The following HSD17B7 variants were observed in gnomAD, a reference collection of about 807,000 sequenced individuals.
The protein encoded by HSD17B7 is hydroxysteroid 17-beta dehydrogenase 7.
HSD17B7 carries 17 observed loss-of-function variants against 34.1 expected under a neutral mutation model. The observed-to-expected ratio is 0.50, with a 90% CI of 0.34 to 0.75. The LOEUF (loss-of-function observed/expected upper bound fraction) is 0.75. Among genes scored for constraint, HSD17B7 ranks in the 30% least tolerant of loss-of-function variants. HSD17B7 has a pLI of 0.01. For synonymous variants in HSD17B7, 122 were observed against 154.6 expected, an observed-to-expected ratio of 0.79 and a Z score of 1.56; for missense variants, 296 against 406.6, an observed-to-expected ratio of 0.73 and a Z score of 2.34.
chr1:162,809,912 T>C (rs1229043268), intron 8 of HSD17B7, among the ~76,000 whole-genome samples: 1 of 152,126 alleles, frequency 6.6e-6, no homozygotes, highest in Non-Finnish European at 1.5e-5. Flanking sequence ...CCTGGATTCA[T>C]TGATTTTTTG....
chr1:162,792,740 C>T lies in HSD17B7; in HGVS notation c.117C>T (p.Ser39=), dbSNP rs563685127. The stretch of plus-strand genomic sequence containing the variant: ...TGTGTTTGGCGTGCAGGAACATGAG[C>T]AAGGCAGAAGCTGTCTGTGCTGCTC... ...LHLCLACRNM[S]KAEAVCAALL... Residue 39 remains serine, a synonymous_variant, in exon 2 of 9, where the codon AGC becomes AGT. Transcript: ENST00000254521. The T allele has an allele frequency of 7.4e-6, 12 of 1,614,180 alleles. No individual in the cohort carries two copies. The African/African-American group carries it at 1.6e-4, about 22-fold the overall frequency.
chr1:162,803,625 G>A (rs1252837568), intron 6 of HSD17B7, 90 bp downstream of exon 6: 9 of 1,446,756 alleles, frequency 6.2e-6, no homozygotes, highest in Non-Finnish European at 8.6e-6. Context: ...AATGATTTAA[G>A]GAATTGAACC....
Position 162,799,855 on chromosome 1 carries a change from G to A in HSD17B7, c.560G>A (p.Ser187Asn). Residue 187 changes from serine to asparagine, a missense_variant, in exon 5 of 9, where the codon AGC (serine) becomes AAC (asparagine). Ser to Asn is a conservative substitution (Grantham distance 46, BLOSUM62 1). Transcript: ENST00000254521. ...SNFSLEDFQHSKGKEPYSSSK... is the reference protein window; with the variant it reads ...SNFSLEDFQHNKGKEPYSSSK... ...TTCAGCCTCGAGGACTTCCAGCACAGCAAAGGCAAGGAACCCTACAGCTCT... is the reference window on the plus strand; with the variant it reads ...TTCAGCCTCGAGGACTTCCAGCACAACAAAGGCAAGGAACCCTACAGCTCT... 1 of 1,614,020 alleles carries A rather than the reference G, an allele frequency of 6.2e-7. No individual in the cohort carries two copies. Among genetic ancestry groups the A allele is most frequent in the Middle Eastern group, 1.6e-4 (1 of 6,062 alleles).
intron 4 of HSD17B7, chr1:162,798,767 G>A (rs4038265): frequency 1.1e-4 from 18 of 158,906 alleles, no homozygotes; most frequent in Non-Finnish European, 1.5e-4. Flanking sequence ...AGGCCAAGGC[G>A]GGCAGATTAC....
chr1:162,797,875 C>T lies in HSD17B7; in HGVS notation c.406C>T (p.Gln136Ter). The change falls in exon 4 of 9, where the codon CAG becomes TAG. Residue 136 changes from glutamine (Q) to a stop codon, truncating the protein, a stop_gained. Coordinates refer to ENST00000254521, the MANE Select transcript of HSD17B7 (RefSeq NM_016371.4). LOFTEE classifies it high-confidence loss of function. ...TGATAAGATCACTGCTGATGGACTTCAGGAGGTGTTTGAGACCAATGTCTT... is the reference window on the plus strand; with the variant it reads ...TGATAAGATCACTGCTGATGGACTTTAGGAGGTGTTTGAGACCAATGTCTT... ...QGDKITADGL[Q>*]EVFETNVFGH... 2.5e-6 allele frequency: 4 copies of T among 1,613,870 alleles called. No homozygotes were observed. The highest frequency in any genetic ancestry group is 3.4e-6 in the Non-Finnish European group (4 of 1,179,838).
At chr1:162,812,055 C>G (rs1031837193) in intron 8 of HSD17B7, among the ~76,000 whole-genome samples, 19 of 152,150 alleles carry the variant, frequency 1.2e-4, no homozygotes, top group African/African-American at 3.9e-4. Flanking sequence ...GGGGAGATAG[C>G]AAAACTCAGA....
At chr1:162,810,145 T>C (rs1649126723) in intron 8 of HSD17B7, among the ~76,000 whole-genome samples, 1 of 152,250 alleles carries the variant, frequency 6.6e-6, no homozygotes, top group Non-Finnish European at 1.5e-5. Flanking sequence ...TTCTGGTGTG[T>C]TGTGTCTTTG....
At chr1:162,793,031 C>CT (rs201857530) in intron 2 of HSD17B7, 169 bp downstream of exon 2, 24,855 of 346,418 alleles carry the variant, frequency 0.072, 515 homozygotes, top group African/African-American at 0.13. Flanking sequence ...CGTTTTCTTT[C>CT]TTTTTTTTTT....
Position 162,796,706 on chromosome 1 carries a change from T to C in HSD17B7, c.332+29T>C, listed in dbSNP as rs765130664. ...ATTTTCGTTTTATGGATGAACTGAT[T>C]GGAAGGAATGTGTTCATTTTTCTGC... On this transcript the variant is annotated intron_variant, in intron 3 of 8. Transcript: ENST00000254521. 10 of 1,271,840 alleles carry C rather than the reference T, an allele frequency of 7.9e-6. No homozygotes were observed. In the East Asian group the frequency reaches 2.3e-4, roughly 29 times the overall value. The allele number at this position is 1,271,840 out of a possible 1,614,324, so 78.8% of individuals were successfully genotyped here.
chr1:162,795,493 A>G, intron 2 of HSD17B7: 1 of 343,792 alleles, frequency 2.9e-6, no homozygotes, highest in East Asian at 7.9e-5. Context: ...CAAATAAGGT[A>G]ATAGAACAAG....
At chr1:162,799,529 T>C (rs959167883) in intron 4 of HSD17B7, 49 of 435,158 alleles carry the variant, frequency 1.1e-4, no homozygotes, top group Non-Finnish European at 1.9e-4. Flanking sequence ...CCCTCTCTGC[T>C]GATAGACTAA....
At chr1:162,807,209 T>G (rs1649011493) in intron 8 of HSD17B7, among the ~76,000 whole-genome samples, 1 of 152,090 alleles carries the variant, frequency 6.6e-6, no homozygotes, top group Non-Finnish European at 1.5e-5. Context: ...CACCTATGAG[T>G]GAGAACATGC....
chr1:162,795,861 AG>A (rs1648588861), intron 2 of HSD17B7, among the ~76,000 whole-genome samples: 2 of 29,924 alleles, frequency 6.7e-5, no homozygotes, highest in Non-Finnish European at 3.3e-4. Context: ...TTAGATGAAG[AG>A]TCTTAGATGA....
At chr1:162,797,116 G>T in intron 3 of HSD17B7, 1 of 162,850 alleles carries the variant, frequency 6.1e-6, no homozygotes, top group Non-Finnish European at 1.3e-5. Flanking sequence ...TTAGTGTAGT[G>T]GCTTTCAAAA....
At chr1:162,805,249 A>G in intron 7 of HSD17B7, 145 bp from the exon 8 acceptor site, 1 of 1,223,064 alleles carries the variant, frequency 8.2e-7, no homozygotes. Context: ...TTCTCAATAT[A>G]TTTGCCAAAC....
At chr1:162,808,509 T>C (rs1041115431) in intron 8 of HSD17B7, among the ~76,000 whole-genome samples, 4 of 152,340 alleles carry the variant, frequency 2.6e-5, no homozygotes, top group Middle Eastern at 3.4e-3. Context: ...GTGAAGAAAG[T>C]CATTGGTAGC....
intron 2 of HSD17B7, among the ~76,000 whole-genome samples, chr1:162,795,048 ATGGT>A (rs1207174222): frequency 2.0e-5 from 3 of 152,006 alleles, no homozygotes; most frequent in Non-Finnish European, 2.9e-5. Flanking sequence ...TTTTTTTGAG[ATGGT>A]TGGTGTCAAT....
At chr1:162,802,684 A>T (rs1648851447) in intron 5 of HSD17B7, among the ~76,000 whole-genome samples, 1 of 152,210 alleles carries the variant, frequency 6.6e-6, no homozygotes, top group Non-Finnish European at 1.5e-5. Context: ...AAAATAAAGT[A>T]AAATGTATAG....
chr1:162,805,499 G>A lies in HSD17B7; in HGVS notation c.903+7G>A, dbSNP rs779257055. 5.6e-6 allele frequency: 9 copies of A among 1,611,968 alleles called. No homozygotes were observed. In the East Asian group the frequency reaches 1.6e-4, roughly 28 times the overall value. On this transcript the variant is annotated splice_region_variant and intron_variant, in intron 8 of 8. Coordinates refer to ENST00000254521, the MANE Select transcript of HSD17B7 (RefSeq NM_016371.4). ...TTACATTATGACCCAGAAGGTAAAT[G>A]TGCTTACATTGTTGCACTGATGTTT...
Sources: gnomAD v4.1 joint callset for allele counts (sites outside exome capture counted in the v4.1 genomes callset) on GRCh38, gnomAD v4.1.1 for gene constraint, MANE v1.5 for transcripts, NCBI Gene and HGNC (gene_info 2026-07-23, HGNC 2026-07-21) for gene names.